The following DMGDH variants were observed in gnomAD, a reference collection of about 807,000 sequenced individuals.
DMGDH encodes the protein dimethylglycine dehydrogenase, mitochondrial.
DMGDH carries 76 observed loss-of-function variants against 95.2 expected under a neutral mutation model. The observed-to-expected ratio is 0.80, with a 90% CI of 0.66 to 0.97. The LOEUF is 0.97. Ranked by LOEUF, DMGDH falls within the 50% of genes least tolerant of loss-of-function variation. The pLI is 0.00. For synonymous variants in DMGDH, 345 were observed against 377.6 expected (o/e 0.91, Z 1.00); for missense variants, 987 against 1,055.0 (o/e 0.94, Z 0.89).
intron 15 of DMGDH, chr5:79,001,143 G>A (rs530977415): frequency 3.7e-5 from 19 of 517,274 alleles, no homozygotes; most frequent in Admixed American, 1.5e-4. Context: ...GCAGCTCTGC[G>A]GCTGCACCTA....
At chr5:79,024,754 A>G (rs760627328) in intron 13 of DMGDH, among the ~76,000 whole-genome samples, 1 of 152,130 alleles carries the variant, frequency 6.6e-6, no homozygotes, top group Non-Finnish European at 1.5e-5. Context: ...GATAGTAGGA[A>G]GGTGGCTGAT....
At chr5:79,035,677 C>G (rs980357913) in intron 7 of DMGDH, among the ~76,000 whole-genome samples, 2 of 139,430 alleles carry the variant, frequency 1.4e-5, no homozygotes, top group Non-Finnish European at 3.1e-5. Context: ...TGTTCTTTCC[C>G]TTTCAACCAT....
chr5:79,056,958 A>G (rs1170984807), intron 2 of DMGDH, among the ~76,000 whole-genome samples: 1 of 152,250 alleles, frequency 6.6e-6, no homozygotes, highest in Non-Finnish European at 1.5e-5. Context: ...GGACTAGCAC[A>G]GGATCTTCTT....
chr5:79,058,751 C>T (rs73132143), intron 2 of DMGDH, among the ~76,000 whole-genome samples: 10,826 of 152,132 alleles, frequency 0.071, 851 homozygotes, highest in African/African-American at 0.18. Context: ...GATAAATAAA[C>T]AAATAAGTAC....
chr5:79,032,504 G>A (rs886530978), intron 9 of DMGDH, among the ~76,000 whole-genome samples, 183 bp downstream of exon 9: 6 of 152,208 alleles, frequency 3.9e-5, no homozygotes, highest in African/African-American at 1.4e-4. Flanking sequence ...TCCTAGATGT[G>A]GGCCAGTGTC....
Position 79,054,368 on chromosome 5 carries a change from G to A in DMGDH, c.376-20C>T, listed in dbSNP as rs760603266. The A allele has an allele frequency of 8.1e-6, 13 of 1,613,184 alleles. No individual in the cohort carries two copies. The highest frequency in any genetic ancestry group is 9.3e-6 in the Non-Finnish European group (11 of 1,179,460). ...CACCACCTGTGACAATAATTCCAGT[G>A]AGAGCATATAAATAAGTCATTGTTT... is the stretch of plus-strand genomic sequence containing the variant. On this transcript the variant is annotated intron_variant, in intron 3 of 15. Transcript: ENST00000255189.
In DMGDH at chr5:79,032,735, C is replaced by T. The variant is rs762211211; in HGVS notation, c.1469G>A (p.Trp490Ter). ...SKCSMGFHAG[W>*]EQPHWFYKPG... The stretch of plus-strand genomic sequence containing the variant: ...TTTGTAGAACCAGTGCGGCTGCTCC[C>T]AGCCAGCATGGAACCCCATGGAACA... The change falls in exon 9 of 16, where the codon TGG becomes TAG. Residue 490 changes from tryptophan to a stop codon, truncating the protein, a stop_gained. Coordinates refer to ENST00000255189, the MANE Select transcript of DMGDH (RefSeq NM_013391.3). LOFTEE classifies it high-confidence loss of function. 6.2e-6 allele frequency: 10 copies of T among 1,614,030 alleles called. No homozygotes were observed. The African/African-American group carries it at 9.3e-5, about 15-fold the overall frequency.
At chr5:79,062,937 C>A (rs1014522739) in intron 2 of DMGDH, among the ~76,000 whole-genome samples, 3 of 151,920 alleles carry the variant, frequency 2.0e-5, no homozygotes, top group Non-Finnish European at 4.4e-5. Context: ...ACTAAAAATA[C>A]AAAAATTAGC....
chr5:79,026,428 A>G lies in DMGDH; in HGVS notation c.2186T>C (p.Leu729Ser), dbSNP rs903214720. The change falls in exon 13 of 16, where the codon TTA becomes TCA. Residue 729 changes from leucine to serine, a missense_variant. Physicochemically the swap from Leu to Ser is moderately radical, Grantham distance 145 (BLOSUM62 -2). Coordinates refer to ENST00000255189, the MANE Select transcript of DMGDH (RefSeq NM_013391.3). ...AAAGATGCTAGCATTTCAAACCTCT[A>G]ACCCCCAGGCTCTGAAGGCTTTCTC... Reference protein sequence around the residue: ...RLEKAFRAWGLEMNCDTNPLE... With the variant: ...RLEKAFRAWGSEMNCDTNPLE... 11 of 1,614,078 alleles carry G rather than the reference A, an allele frequency of 6.8e-6. No individual in the cohort carries two copies. In the Middle Eastern group the frequency reaches 4.9e-4, roughly 72 times the overall value.
intron 1 of DMGDH, among the ~76,000 whole-genome samples, chr5:79,066,626 T>C (rs567902836): frequency 2.6e-5 from 4 of 152,140 alleles, no homozygotes; most frequent in Non-Finnish European, 5.9e-5. Context: ...GAACAGTTCT[T>C]ACTGTGAGTT....
rs199592013 is a variant in DMGDH at position 79,033,295 on chromosome 5, G to T, written c.1307C>A (p.Thr436Lys). 14 of 1,614,128 alleles carry T rather than the reference G, an allele frequency of 8.7e-6. No individual in the cohort carries two copies. The highest frequency in any genetic ancestry group is 6.7e-5 in the Admixed American group (4 of 60,022). Reference protein sequence around the residue: ...ELDPNRYGKWTTTQYTEAKAR... With the variant: ...ELDPNRYGKWKTTQYTEAKAR... ...TTTGGCCTCAGTGTACTGGGTTGTTGTCCATTTGCCATAGCGATTAGGATC... is the reference window on the plus strand; with the variant it reads ...TTTGGCCTCAGTGTACTGGGTTGTTTTCCATTTGCCATAGCGATTAGGATC... The change falls in exon 8 of 16, where the codon ACA becomes AAA. Residue 436 changes from threonine (T) to lysine (K), a missense_variant. By Grantham distance (78) the Thr-to-Lys change is moderately conservative. Transcript: ENST00000255189.
intron 9 of DMGDH, 140 bp downstream of exon 9, chr5:79,032,547 G>T: frequency 8.3e-7 from 1 of 1,208,956 alleles, no homozygotes; most frequent in Non-Finnish European, 1.2e-6. Flanking sequence ...CACTGCCAGA[G>T]AGTAATTTTT....
At chr5:79,059,982 A>G (rs1755150416) in intron 2 of DMGDH, among the ~76,000 whole-genome samples, 2 of 152,202 alleles carry the variant, frequency 1.3e-5, no homozygotes, top group South Asian at 4.1e-4. Flanking sequence ...GTGATATCCT[A>G]TAGCACGCAA....
intron 9 of DMGDH, 88 bp downstream of exon 9, chr5:79,032,599 T>A: frequency 6.4e-7 from 1 of 1,552,806 alleles, no homozygotes; most frequent in South Asian, 1.1e-5. Context: ...GGTGGAGCAA[T>A]GGAGTGTAAG....
At chr5:79,028,359 TAATTTTA>T (rs1012261801) in intron 12 of DMGDH, 67 bp downstream of exon 12, 8 of 1,308,506 alleles carry the variant, frequency 6.1e-6, no homozygotes, top group East Asian at 2.5e-5. Flanking sequence ...CATGACCTTT[TAATTTTA>T]AATTTTAAAT....
At chr5:79,005,020 T>G (rs1400671453) in intron 15 of DMGDH, among the ~76,000 whole-genome samples, 2 of 152,234 alleles carry the variant, frequency 1.3e-5, no homozygotes, top group South Asian at 2.1e-4. Context: ...CATTGTCCAG[T>G]GTGTTTCAAG....
intron 7 of DMGDH, among the ~76,000 whole-genome samples, chr5:79,036,334 C>G (rs1453494919): frequency 6.6e-6 from 1 of 152,218 alleles, no homozygotes; most frequent in Non-Finnish European, 1.5e-5. Flanking sequence ...CTGCAGAATT[C>G]TAGATTCTTC....
chr5:79,053,588 C>T (rs1014778486), intron 4 of DMGDH, among the ~76,000 whole-genome samples: 11 of 151,888 alleles, frequency 7.2e-5, no homozygotes, highest in African/African-American at 2.7e-4. Context: ...CTAACTGGTA[C>T]ATAAATATGT....
chr5:79,023,004 G>A (rs1011814663), intron 14 of DMGDH, among the ~76,000 whole-genome samples: 4 of 152,040 alleles, frequency 2.6e-5, no homozygotes, highest in African/African-American at 9.7e-5. Context: ...GGAGGCAGAT[G>A]GTACATCATA....
Sources: gnomAD v4.1 joint callset for allele counts (sites outside exome capture counted in the v4.1 genomes callset) on GRCh38, gnomAD v4.1.1 for gene constraint, MANE v1.5 for transcripts, NCBI Gene and HGNC (gene_info 2026-07-23, HGNC 2026-07-21) for gene names.